The following ZMYM2 variants were observed in gnomAD, a reference collection of about 807,000 sequenced individuals.
ZMYM2 encodes zinc finger MYM-type protein 2.
In ZMYM2, 56 loss-of-function variants were observed where a neutral mutation model predicts 162.8. The observed-to-expected ratio is 0.34, with a 90% CI of 0.28 to 0.43. The LOEUF (loss-of-function observed/expected upper bound fraction) is 0.43, where lower values mean the gene tolerates loss of function less well. Among genes scored for constraint, ZMYM2 ranks in the 20% least tolerant of loss-of-function variants. The probability of loss-of-function intolerance (pLI) is 1.00; values close to 1 mark genes in which losing one functional copy is unlikely to be tolerated. For missense variants in ZMYM2, 1,275 were observed against 1,621.8 expected (o/e 0.79, Z 3.67); for synonymous variants, 510 against 541.6 (o/e 0.94, Z 0.81).
chr13:19,919,524 T>C, the ZMYM2 span, among the ~76,000 whole-genome samples: 22 of 152,148 alleles, frequency 1.4e-4, no homozygotes, highest in Non-Finnish European at 2.6e-4. Flanking sequence ...TTTTACCATT[T>C]TTTTTAGTGG....
upstream of ZMYM2, among the ~76,000 whole-genome samples, chr13:19,958,514 G>A (rs1181834147): frequency 6.6e-6 from 1 of 152,070 alleles, no homozygotes; most frequent in Non-Finnish European, 1.5e-5. Flanking sequence ...TCGAGGGCCG[G>A]CGGAGGCGGG....
the ZMYM2 span, among the ~76,000 whole-genome samples, chr13:19,866,618 T>G: frequency 1.3e-5 from 2 of 152,150 alleles, no homozygotes; most frequent in African/African-American, 4.8e-5. Context: ...GAGCCGAGAT[T>G]GCACCATTGC....
chr13:19,976,121 C>T (rs1594116672), intron 2 of ZMYM2, among the ~76,000 whole-genome samples: 1 of 151,972 alleles, frequency 6.6e-6, no homozygotes, highest in Admixed American at 6.6e-5. Flanking sequence ...ATCACGAGGT[C>T]AAGAAATCGA....
At chr13:19,892,762 T>C in the ZMYM2 span, among the ~76,000 whole-genome samples, 1 of 151,372 alleles carries the variant, frequency 6.6e-6, no homozygotes, top group Non-Finnish European at 1.5e-5. Context: ...TCACCCGGGC[T>C]GGGTTGCAGT....
At chr13:20,046,677 A>T (rs1593098441) in intron 12 of ZMYM2, among the ~76,000 whole-genome samples, 1 of 150,114 alleles carries the variant, frequency 6.7e-6, no homozygotes, top group African/African-American at 2.4e-5. Flanking sequence ...ATATGTGTGT[A>T]TATATGTATA....
chr13:20,027,046 T>C (rs1042015423), intron 8 of ZMYM2, among the ~76,000 whole-genome samples, 157 bp from the exon 9 acceptor site: 3 of 152,156 alleles, frequency 2.0e-5, no homozygotes, highest in Admixed American at 1.3e-4. Flanking sequence ...GAGTCCGTTA[T>C]GACAATATTT....
rs1455345295 is a variant in ZMYM2, at chr13:20,086,104, CCTT to C, written c.*93_*95del. The C allele has an allele frequency of 7.3e-7, 1 of 1,365,628 alleles. No homozygotes were observed. The highest frequency in any genetic ancestry group is 1.4e-5 in the African/African-American group (1 of 69,334). 84.6% of individuals were successfully genotyped at this position (1,365,628 alleles called of 1,614,324 possible). Reference sequence around the variant, plus strand: ...TTATGGAAAACATTTCAAGTTTACTCCTTCTGTTTTGAGTTTTGTAGCAGTGTA... The same window carrying C: ...TTATGGAAAACATTTCAAGTTTACTCCTGTTTTGAGTTTTGTAGCAGTGTA... On this transcript the variant is annotated 3_prime_UTR_variant, in exon 25 of 25. Coordinates refer to ENST00000610343, the MANE Select transcript of ZMYM2 (RefSeq NM_197968.4).
chr13:19,970,788 A>G (rs1956245686), intron 2 of ZMYM2, among the ~76,000 whole-genome samples: 1 of 152,186 alleles, frequency 6.6e-6, no homozygotes, highest in Non-Finnish European at 1.5e-5. Flanking sequence ...ACAAATCAAC[A>G]AACATAACTA....
At chr13:19,873,000 A>C in the ZMYM2 span, among the ~76,000 whole-genome samples, 953 of 21,456 alleles carry the variant, frequency 0.044, 17 homozygotes, top group African/African-American at 0.054. Flanking sequence ...ACTCTACCCC[A>C]AAAAAAAATA....
the ZMYM2 span, among the ~76,000 whole-genome samples, chr13:19,885,412 G>A: frequency 3.3e-5 from 5 of 152,190 alleles, no homozygotes; most frequent in Non-Finnish European, 7.3e-5. Context: ...CTTTACTGAA[G>A]ATTGGTTCTA....
intron 3 of ZMYM2, among the ~76,000 whole-genome samples, chr13:19,997,144 A>G (rs555909764): frequency 1.3e-5 from 2 of 152,226 alleles, no homozygotes; most frequent in African/African-American, 2.4e-5. Context: ...AGATCTGTGT[A>G]GTTTTGTTGT....
upstream of ZMYM2, among the ~76,000 whole-genome samples, chr13:19,956,300 T>C (rs909042066): frequency 6.6e-6 from 1 of 152,252 alleles, no homozygotes; most frequent in African/African-American, 2.4e-5. Context: ...TTTGTCCATG[T>C]TGTAGTGTAT....
chr13:20,085,679 A>G (rs1046871604), intron 24 of ZMYM2, 143 bp from the exon 25 acceptor site: 4 of 572,326 alleles, frequency 7.0e-6, no homozygotes, highest in Admixed American at 3.4e-5. Flanking sequence ...GAATATTTTA[A>G]TGACAGAATA....
At chr13:19,995,915 C>G (rs1285990875) in intron 3 of ZMYM2, among the ~76,000 whole-genome samples, 1 of 152,048 alleles carries the variant, frequency 6.6e-6, no homozygotes, top group East Asian at 1.9e-4. Context: ...TCCTTGAGCC[C>G]CATAGGCAGA....
At chr13:19,875,487 G>A in the ZMYM2 span, among the ~76,000 whole-genome samples, 1 of 151,908 alleles carries the variant, frequency 6.6e-6, no homozygotes, top group Admixed American at 6.6e-5. Context: ...AATTAGCTGG[G>A]TGTGGAGGTG....
intron 3 of ZMYM2, among the ~76,000 whole-genome samples, chr13:19,994,703 G>T (rs965009270): frequency 6.6e-6 from 1 of 152,028 alleles, no homozygotes. Flanking sequence ...AGGCCAGGCT[G>T]GTCTCAAACT....
the ZMYM2 span, among the ~76,000 whole-genome samples, chr13:19,885,141 G>A: frequency 6.6e-6 from 1 of 152,198 alleles, no homozygotes; most frequent in African/African-American, 2.4e-5. Context: ...TCACCTGTCA[G>A]TGTGTATCTG....
chr13:19,930,138 C>T, the ZMYM2 span, among the ~76,000 whole-genome samples: 6 of 152,006 alleles, frequency 3.9e-5, no homozygotes, highest in Non-Finnish European at 4.4e-5. Flanking sequence ...CGGTGGCTCA[C>T]GCCTGTAATA....
Position 20,058,819 on chromosome 13 carries a change from T to G in ZMYM2, c.2623+115T>G, listed in dbSNP as rs1956009573. The G allele has an allele frequency of 2.1e-6, 3 of 1,398,380 alleles. No homozygotes were observed. In the East Asian group the frequency reaches 6.9e-5, roughly 32 times the overall value. The allele number at this position is 1,398,380 out of a possible 1,614,324, so 86.6% of individuals were successfully genotyped here. A position where few individuals can be genotyped will look rare whatever the true frequency, so the allele number is the denominator to read the frequency against. The stretch of plus-strand genomic sequence containing the variant: ...TAGATTCATTTGGTCAATTTGTCAT[T>G]TTCTGTTGATTTTGCTTACGTAATT... On this transcript the variant is annotated intron_variant, in intron 15 of 24. Coordinates refer to ENST00000610343, the MANE Select transcript of ZMYM2 (RefSeq NM_197968.4).
Sources: allele counts gnomAD v4.1 joint callset (sites outside exome capture counted in the v4.1 genomes callset), GRCh38; gene constraint gnomAD v4.1.1; transcripts MANE v1.5; gene names NCBI Gene and HGNC (gene_info 2026-07-23, HGNC 2026-07-21).